HERPUD2: variants seen among roughly 807,000 people sequenced by gnomAD.
HERPUD2 encodes HERPUD family member 2.
Under a neutral mutation model 49.9 loss-of-function variants are expected in HERPUD2, and 13 were observed. The observed-to-expected ratio is 0.26, with a 90% confidence interval of 0.17 to 0.41. The LOEUF is 0.41. Ranked by LOEUF, HERPUD2 falls within the 10% of genes least tolerant of loss-of-function variation. HERPUD2 has a pLI of 1.00. For missense variants in HERPUD2, 449 were observed against 492.2 expected (o/e 0.91, Z 0.83); for synonymous variants, 172 against 171.4 (o/e 1.00, Z -0.03).
intron 4 of HERPUD2, among the ~76,000 whole-genome samples, chr7:35,669,075 C>CA (rs1785595224): frequency 6.6e-6 from 1 of 152,032 alleles, no homozygotes; most frequent in African/African-American, 2.4e-5. Flanking sequence ...CTGGACAAGT[C>CA]AAAGTCAGAG....
At chr7:35,647,123 C>T (rs1021062490) in intron 5 of HERPUD2, among the ~76,000 whole-genome samples, 1 of 152,150 alleles carries the variant, frequency 6.6e-6, no homozygotes, top group East Asian at 1.9e-4. Context: ...CAAACTTTCA[C>T]AGGAAACTTG....
chr7:35,652,255 G>C (rs777450423), intron 5 of HERPUD2, among the ~76,000 whole-genome samples: 1 of 152,174 alleles, frequency 6.6e-6, no homozygotes, highest in African/African-American at 2.4e-5. Context: ...GTTTTGCAGC[G>C]TTCTTCCTTT....
In HERPUD2 at chr7:35,673,386, G is replaced by T. The variant is rs1785685278; in HGVS notation, c.148-108C>A. The T allele has an allele frequency of 7.9e-6, 6 of 760,562 alleles. No individual in the cohort carries two copies. In the South Asian group the frequency reaches 1.1e-4, roughly 14 times the overall value. The allele number at this position is 760,562 out of a possible 1,614,324, so 47.1% of individuals were successfully genotyped here. ...AAAATAAAACTCCCTTTAGGCACAAGTAAGCAGAAAACTGACACAATTTAA... is the reference window on the plus strand; with the variant it reads ...AAAATAAAACTCCCTTTAGGCACAATTAAGCAGAAAACTGACACAATTTAA... On this transcript the variant is annotated intron_variant, in intron 2 of 8. Transcript: ENST00000311350.
At chr7:35,685,601 C>T (rs1044982999) in intron 2 of HERPUD2, among the ~76,000 whole-genome samples, 1 of 151,964 alleles carries the variant, frequency 6.6e-6, no homozygotes, top group Non-Finnish European at 1.5e-5. Context: ...GCTGAGATTA[C>T]AGGCATGAGC....
In HERPUD2 at chr7:35,694,362, AGCG is replaced by A; in HGVS notation, c.-35_-33del. 6.2e-7 allele frequency: 1 copy of A among 1,613,524 alleles called. No individual in the cohort carries two copies. The highest frequency in any genetic ancestry group is 2.2e-5 in the East Asian group (1 of 44,880). Reference sequence around the variant, plus strand: ...CCCAAAGTCAGACAGAGTCCAGAGGAGCGGCAGTTAAGCCCAAAAGAGCCGAGA... The same window carrying A: ...CCCAAAGTCAGACAGAGTCCAGAGGAGCAGTTAAGCCCAAAAGAGCCGAGA... On this transcript the variant is annotated 5_prime_UTR_variant, in exon 2 of 9. Coordinates refer to ENST00000311350, the MANE Select transcript of HERPUD2 (RefSeq NM_022373.5).
chr7:35,676,928 T>C (rs1785773040), intron 2 of HERPUD2, among the ~76,000 whole-genome samples: 1 of 152,212 alleles, frequency 6.6e-6, no homozygotes, highest in Non-Finnish European at 1.5e-5. Flanking sequence ...AGGATATAGG[T>C]CACTAGTCAA....
intron 5 of HERPUD2, among the ~76,000 whole-genome samples, chr7:35,646,720 CATATT>C (rs1785061110): frequency 6.6e-6 from 1 of 152,058 alleles, no homozygotes; most frequent in African/African-American, 2.4e-5. Flanking sequence ...TAGAAAATGT[CATATT>C]CTTTATGCAA....
Position 35,669,260 on chromosome 7 carries a change from T to C in HERPUD2, c.339+955A>G, listed in dbSNP as rs1233580634. 3.9e-5 allele frequency among the ~76,000 whole-genome samples: 6 copies of C among 152,318 alleles called. No homozygotes were observed. The East Asian group carries it at 1.2e-3, about 29-fold the overall frequency. ...TAGTTTAATGTAAGCTAAATTCCCA[T>C]GGCTGGTACTAGGAAATAGTTACCA... On this transcript the variant is annotated intron_variant, in intron 4 of 8. Coordinates refer to ENST00000311350, the MANE Select transcript of HERPUD2 (RefSeq NM_022373.5).
chr7:35,654,228 A>G (rs1025994997), intron 5 of HERPUD2, among the ~76,000 whole-genome samples: 10 of 152,072 alleles, frequency 6.6e-5, no homozygotes, highest in Non-Finnish European at 1.0e-4. Context: ...ATCAGGATAG[A>G]CTGAAAAAAC....
At chr7:35,673,838 T>A (rs993248183) in intron 2 of HERPUD2, among the ~76,000 whole-genome samples, 4 of 152,062 alleles carry the variant, frequency 2.6e-5, no homozygotes, top group African/African-American at 9.7e-5. Flanking sequence ...TAATTATTAT[T>A]CCTGCCACTA....
chr7:35,666,950 T>A (rs1785549407), intron 5 of HERPUD2, among the ~76,000 whole-genome samples: 1 of 152,218 alleles, frequency 6.6e-6, no homozygotes, highest in African/African-American at 2.4e-5. Flanking sequence ...TAAAAACTTT[T>A]AAAAACAGAT....
intron 5 of HERPUD2, among the ~76,000 whole-genome samples, chr7:35,659,794 T>G (rs1488845949): frequency 6.6e-6 from 1 of 152,234 alleles, no homozygotes; most frequent in Non-Finnish European, 1.5e-5. Flanking sequence ...TGTTGCTCAG[T>G]ACTTTAACAC....
intron 4 of HERPUD2, chr7:35,668,714 C>G (rs1785589116): frequency 6.5e-6 from 1 of 153,300 alleles, no homozygotes; most frequent in Non-Finnish European, 1.5e-5. Context: ...AAATATCTTA[C>G]TAAGGAGTCC....
At chr7:35,676,676 A>T (rs1785767174) in intron 2 of HERPUD2, among the ~76,000 whole-genome samples, 1 of 152,204 alleles carries the variant, frequency 6.6e-6, no homozygotes, top group Non-Finnish European at 1.5e-5. Context: ...TATTTTTATA[A>T]AGAGAAACTT....
intron 6 of HERPUD2, among the ~76,000 whole-genome samples, chr7:35,636,488 A>T (rs969309984): frequency 6.6e-6 from 1 of 152,214 alleles, no homozygotes; most frequent in African/African-American, 2.4e-5. Context: ...TGATGCACAT[A>T]AGAGTATATG....
chr7:35,657,479 G>A (rs1307515115), intron 5 of HERPUD2, among the ~76,000 whole-genome samples: 2 of 151,612 alleles, frequency 1.3e-5, no homozygotes, highest in Non-Finnish European at 2.9e-5. Context: ...AACACAGTTT[G>A]GGTGTGGTAG....
chr7:35,660,730 A>AT (rs1427854824), intron 5 of HERPUD2, among the ~76,000 whole-genome samples: 7 of 151,680 alleles, frequency 4.6e-5, no homozygotes, highest in Admixed American at 2.6e-4. Context: ...GGGTTGTTGG[A>AT]TTTTTTCTTG....
intron 5 of HERPUD2, among the ~76,000 whole-genome samples, chr7:35,653,989 C>T (rs915215013): frequency 4.6e-5 from 7 of 152,036 alleles, no homozygotes; most frequent in Non-Finnish European, 8.8e-5. Flanking sequence ...GTGAGACTGT[C>T]TCTAAAACAA....
chr7:35,693,629 T>A (rs530898785), intron 2 of HERPUD2, among the ~76,000 whole-genome samples: 1 of 152,016 alleles, frequency 6.6e-6, no homozygotes, highest in Non-Finnish European at 1.5e-5. Context: ...AAGAAAGTAG[T>A]CCCTTTTCCA....
Sources: gnomAD v4.1 joint callset for allele counts (sites outside exome capture counted in the v4.1 genomes callset) on GRCh38, gnomAD v4.1.1 for gene constraint, MANE v1.5 for transcripts, NCBI Gene and HGNC (gene_info 2026-07-23, HGNC 2026-07-21) for gene names.